Variants in TIMP2 observed in about 807,000 individuals in gnomAD.
The protein encoded by TIMP2 is metalloproteinase inhibitor 2.
Under a neutral mutation model 24.3 loss-of-function variants are expected in TIMP2, and 5 were observed. The ratio of observed to expected loss-of-function variants is 0.21; its 90% CI spans 0.11 to 0.43. The LOEUF (loss-of-function observed/expected upper bound fraction) is 0.43, where lower values mean the gene tolerates loss of function less well. Ranked by LOEUF, TIMP2 falls within the 20% of genes least tolerant of loss-of-function variation. The pLI, the probability that TIMP2 is intolerant of heterozygous loss-of-function variation, is 1.00. For synonymous variants in TIMP2, 130 were observed against 123.2 expected (o/e 1.06, Z -0.37); for missense variants, 221 against 297.5 (o/e 0.74, Z 1.89).
chr17:78,883,969 G>A (rs530386848), intron 1 of TIMP2, among the ~76,000 whole-genome samples: 1 of 152,218 alleles, frequency 6.6e-6, no homozygotes, highest in Non-Finnish European at 1.5e-5. Context: ...TGAATCACTT[G>A]AAAACAATGC....
chr17:78,881,646 T>A (rs1467290121), intron 1 of TIMP2, among the ~76,000 whole-genome samples: 1 of 152,234 alleles, frequency 6.6e-6, no homozygotes, highest in African/African-American at 2.4e-5. Flanking sequence ...TCAGAGGAAT[T>A]ATCAAAGAAA....
At chr17:78,879,409 AAAGCG>A (rs1333573318) in intron 1 of TIMP2, among the ~76,000 whole-genome samples, 1 of 152,222 alleles carries the variant, frequency 6.6e-6, no homozygotes, top group Non-Finnish European at 1.5e-5. Flanking sequence ...AGGGCTGGGG[AAAGCG>A]AAGAGACATA....
rs181413948 is a variant in TIMP2, at chr17:78,906,239, G to A, written c.130+18720C>T. ...TAAAAATAGCCAGGCATAGTGGTGC[G>A]TACCTGCAGTCCCAGCTACTCAGGA... On this transcript the variant is annotated intron_variant, in intron 1 of 4. Transcript: ENST00000262768. 2.6e-4 allele frequency among the ~76,000 whole-genome samples: 40 copies of A among 152,102 alleles called. No individual in the cohort carries two copies. The Middle Eastern group carries it at 0.017, about 65-fold the overall frequency.
chr17:78,892,013 G>A (rs1342384158), intron 1 of TIMP2: 2 of 1,550,570 alleles, frequency 1.3e-6, no homozygotes, highest in South Asian at 1.2e-5. Flanking sequence ...CTTGGCCCTC[G>A]GGGGCCTGGC....
At chr17:78,900,540 A>G (rs1158951064) in intron 1 of TIMP2, among the ~76,000 whole-genome samples, 1 of 48,276 alleles carries the variant, frequency 2.1e-5, no homozygotes, top group African/African-American at 6.6e-5. Context: ...GCAAGACTCC[A>G]TTTCAAAAAA....
At position 78,925,200 on chromosome 17, in the gene TIMP2, C is replaced by A; in HGVS notation, c.-112G>T. ...GCTGAGCCGGGGCCGAGGCGGGCCC[C>A]TCCCGCGCGGCTCACCCTCCTCACC... On this transcript the variant is annotated 5_prime_UTR_variant, in exon 1 of 5. The change creates a new upstream start codon in the 5' untranslated region. Coordinates refer to ENST00000262768, the MANE Select transcript of TIMP2 (RefSeq NM_003255.5). The A allele has an allele frequency of 3.9e-6, 1 of 257,692 alleles. No homozygotes were observed. Among genetic ancestry groups the A allele is most frequent in the Non-Finnish European group, 6.0e-6 (1 of 167,242 alleles). The allele number at this position is 257,692 out of a possible 1,614,324, so 16.0% of individuals were successfully genotyped here. A position where few individuals can be genotyped will look rare whatever the true frequency, so the allele number is the denominator to read the frequency against.
At chr17:78,888,033 C>T (rs2069840262) in intron 1 of TIMP2, among the ~76,000 whole-genome samples, 1 of 152,094 alleles carries the variant, frequency 6.6e-6, no homozygotes, top group Non-Finnish European at 1.5e-5. Context: ...AAAGACTCCA[C>T]ATAATATCCT....
Position 78,857,536 on chromosome 17 carries a change from C to T in TIMP2, c.451G>A (p.Gly151Ser). 3.7e-6 allele frequency: 6 copies of T among 1,614,154 alleles called. No homozygotes were observed. The highest frequency in any genetic ancestry group is 5.1e-6 in the Non-Finnish European group (6 of 1,180,024). Residue 151 changes from glycine (G) to serine (S), a missense_variant, in exon 4 of 5, where the codon GGC (glycine) becomes AGC (serine). Coordinates refer to ENST00000262768, the MANE Select transcript of TIMP2 (RefSeq NM_003255.5). ...GACCTGCTTACCTTGCACTCGCAGCCCATCTGGTACCTGTGGTTCAGGCTC... is the reference window on the plus strand; with the variant it reads ...GACCTGCTTACCTTGCACTCGCAGCTCATCTGGTACCTGTGGTTCAGGCTC... ...KKSLNHRYQMGCECKITRCPM... is the reference protein window; with the variant it reads ...KKSLNHRYQMSCECKITRCPM...
intron 1 of TIMP2, among the ~76,000 whole-genome samples, chr17:78,911,904 A>C (rs1306332352): frequency 6.6e-6 from 1 of 151,812 alleles, no homozygotes; most frequent in Non-Finnish European, 1.5e-5. Flanking sequence ...CAAAAAAAAA[A>C]AAAAAAAAAT....
intron 1 of TIMP2, among the ~76,000 whole-genome samples, chr17:78,886,718 A>C (rs2069828504): frequency 6.6e-6 from 1 of 152,126 alleles, no homozygotes; most frequent in Admixed American, 6.5e-5. Context: ...GCTAAGATCA[A>C]AATTTTCTTC....
chr17:78,890,800 C>T (rs940864052), intron 1 of TIMP2: 3 of 1,550,514 alleles, frequency 1.9e-6, no homozygotes, highest in African/African-American at 2.7e-5. Flanking sequence ...TGGTGCTGAG[C>T]TCAGATCCTC....
intron 1 of TIMP2, among the ~76,000 whole-genome samples, chr17:78,923,150 C>T (rs1216012904): frequency 6.6e-6 from 1 of 151,998 alleles, no homozygotes; most frequent in Non-Finnish European, 1.5e-5. Context: ...GTTTTAGCTA[C>T]AGGATGATTT....
At chr17:78,916,258 T>C (rs2145795164) in intron 1 of TIMP2, among the ~76,000 whole-genome samples, 1 of 152,290 alleles carries the variant, frequency 6.6e-6, no homozygotes, top group Non-Finnish European at 1.5e-5. Flanking sequence ...GGACTCAATC[T>C]GGGGCCAGCA....
intron 1 of TIMP2, among the ~76,000 whole-genome samples, chr17:78,919,533 C>T (rs1398689276): frequency 6.6e-6 from 1 of 152,148 alleles, no homozygotes; most frequent in Non-Finnish European, 1.5e-5. Context: ...CTCTGCCCTC[C>T]CCTCTTGAAA....
chr17:78,856,471 C>G (rs2069525607), intron 4 of TIMP2: 1 of 155,748 alleles, frequency 6.4e-6, no homozygotes, highest in Non-Finnish European at 1.4e-5. Context: ...CAGCCCCAGG[C>G]AGCTCCCCAG....
intron 1 of TIMP2, among the ~76,000 whole-genome samples, chr17:78,917,072 G>A (rs1323975160): frequency 6.6e-6 from 1 of 152,164 alleles, no homozygotes; most frequent in Admixed American, 6.5e-5. Flanking sequence ...CCGACAGGGT[G>A]AAACCCCGTC....
chr17:78,873,365 G>A (rs1599150428), intron 2 of TIMP2, among the ~76,000 whole-genome samples: 1 of 146,552 alleles, frequency 6.8e-6, no homozygotes, highest in Admixed American at 6.9e-5. Context: ...ATACAGTGGT[G>A]AGATGTCTCA....
chr17:78,880,127 A>C (rs2069766384), intron 1 of TIMP2, among the ~76,000 whole-genome samples: 1 of 152,030 alleles, frequency 6.6e-6, no homozygotes, highest in African/African-American at 2.4e-5. Flanking sequence ...GGCTGGCCGG[A>C]GGGGCGGCAC....
At chr17:78,911,428 GTTTT>G (rs1330734089) in intron 1 of TIMP2, among the ~76,000 whole-genome samples, 2 of 127,776 alleles carry the variant, frequency 1.6e-5, no homozygotes, top group African/African-American at 5.9e-5. Context: ...TGTTGTTTTT[GTTTT>G]TTGTTTTTTG....
Sources: allele counts gnomAD v4.1 joint callset (sites outside exome capture counted in the v4.1 genomes callset), GRCh38; gene constraint gnomAD v4.1.1; transcripts MANE v1.5; gene names NCBI Gene and HGNC (gene_info 2026-07-23, HGNC 2026-07-21).